CAMKMT: variants seen among roughly 807,000 people sequenced by gnomAD.
CAMKMT encodes calmodulin-lysine N-methyltransferase.
Under a neutral mutation model 48.0 loss-of-function variants are expected in CAMKMT, and 53 were observed. That is an observed-to-expected ratio of 1.10 (90% CI 0.89 to 1.39). The LOEUF (loss-of-function observed/expected upper bound fraction) is 1.39. Among genes scored for constraint, CAMKMT ranks in the 40% most tolerant of loss-of-function variants. The pLI is 0.00. For synonymous variants in CAMKMT, 165 were observed against 152.3 expected (o/e 1.08, Z -0.61); for missense variants, 428 against 402.7 (o/e 1.06, Z -0.54).
intron 3 of CAMKMT, among the ~76,000 whole-genome samples, chr2:44,426,000 G>C (rs564926367): frequency 9.2e-5 from 14 of 152,194 alleles, no homozygotes; most frequent in Non-Finnish European, 5.9e-5. Context: ...CAAAGTGCTG[G>C]GATTACAGGC....
At chr2:44,540,175 C>T (rs1049093501) in intron 3 of CAMKMT, among the ~76,000 whole-genome samples, 2 of 145,578 alleles carry the variant, frequency 1.4e-5, no homozygotes, top group Non-Finnish European at 3.0e-5. Flanking sequence ...TATATATGTA[C>T]ATATGTTTTA....
rs1460638621 is a variant in CAMKMT, at chr2:44,445,673, T to G, written c.376+55368T>G. 2.2e-3 allele frequency among the ~76,000 whole-genome samples: 78 copies of G among 35,086 alleles called. 16 individuals carry two copies. Among genetic ancestry groups the G allele is most frequent in the Admixed American group, 8.3e-3 (21 of 2,530 alleles). 23.0% of individuals were successfully genotyped at this position (35,086 alleles called of 152,430 possible). A position where few individuals can be genotyped will look rare whatever the true frequency, so the allele number is the denominator to read the frequency against. On this transcript the variant is annotated intron_variant, in intron 3 of 10. Coordinates refer to ENST00000378494, the MANE Select transcript of CAMKMT (RefSeq NM_024766.5). ...TTTTTTTTTTTTTTTTTTTTTTTTT[T>G]TTTTTTTTTTTTTTTTTTTTACCAG...
chr2:44,641,363 C>T (rs188279856), intron 3 of CAMKMT, among the ~76,000 whole-genome samples: 177 of 152,110 alleles, frequency 1.2e-3, no homozygotes, highest in Non-Finnish European at 2.3e-3. Context: ...TTAGTCTGCC[C>T]CTGACTTGGG....
chr2:44,575,586 G>A (rs533605193), intron 3 of CAMKMT, among the ~76,000 whole-genome samples: 1 of 152,098 alleles, frequency 6.6e-6, no homozygotes, highest in South Asian at 2.1e-4. Flanking sequence ...GAAAATATTT[G>A]TTGCCAGGTG....
intron 3 of CAMKMT, among the ~76,000 whole-genome samples, chr2:44,546,540 G>C: frequency 6.6e-6 from 1 of 152,122 alleles, no homozygotes; most frequent in East Asian, 1.9e-4. Flanking sequence ...CTGCCACTAC[G>C]GATCTGCAGC....
chr2:44,464,133 A>G (rs992709278), intron 3 of CAMKMT, among the ~76,000 whole-genome samples: 6 of 152,222 alleles, frequency 3.9e-5, no homozygotes, highest in African/African-American at 1.4e-4. Flanking sequence ...ATATGAACAA[A>G]GATATAGAAA....
chr2:44,575,917 C>T (rs1223447879), intron 3 of CAMKMT, among the ~76,000 whole-genome samples: 1 of 152,046 alleles, frequency 6.6e-6, no homozygotes, highest in Non-Finnish European at 1.5e-5. Flanking sequence ...AAGGTAGCCA[C>T]TAGGCAGTCC....
At chr2:44,409,080 G>T (rs1261146830) in intron 3 of CAMKMT, among the ~76,000 whole-genome samples, 1 of 79,110 alleles carries the variant, frequency 1.3e-5, no homozygotes, top group Non-Finnish European at 2.6e-5. Flanking sequence ...TATTTCAGCC[G>T]ATATATATAT....
Position 44,447,865 on chromosome 2 carries a change from C to T in CAMKMT, c.376+57560C>T, listed in dbSNP as rs1572897313. On this transcript the variant is annotated intron_variant, in intron 3 of 10. Coordinates refer to ENST00000378494, the MANE Select transcript of CAMKMT (RefSeq NM_024766.5). ...GCAACTTGTATTTTTCAGTTTATGG[C>T]ATACTATCATCATTGGTCCCTGTCT... 1.3e-5 allele frequency among the ~76,000 whole-genome samples: 2 copies of T among 152,278 alleles called. 1 individual carries two copies. Among genetic ancestry groups the T allele is most frequent in the Admixed American group, 1.3e-4 (2 of 15,298 alleles).
chr2:44,646,943 T>C (rs927141499), intron 3 of CAMKMT, among the ~76,000 whole-genome samples: 15 of 152,240 alleles, frequency 9.9e-5, no homozygotes, highest in African/African-American at 3.6e-4. Context: ...GAAAGTGATA[T>C]GAAAAGGCTA....
intron 6 of CAMKMT, among the ~76,000 whole-genome samples, chr2:44,710,425 C>G (rs1377503532): frequency 6.6e-6 from 1 of 152,056 alleles, no homozygotes; most frequent in Non-Finnish European, 1.5e-5. Flanking sequence ...GTAGTTTTCC[C>G]TAAAGTCTCC....
intron 3 of CAMKMT, among the ~76,000 whole-genome samples, chr2:44,684,552 A>T (rs1029230340): frequency 6.6e-6 from 1 of 152,056 alleles, no homozygotes; most frequent in Non-Finnish European, 1.5e-5. Context: ...CGTCCATTCT[A>T]GGACTCATTC....
intron 1 of CAMKMT, among the ~76,000 whole-genome samples, chr2:44,371,432 A>G (rs1679172614): frequency 6.6e-6 from 1 of 152,130 alleles, no homozygotes; most frequent in South Asian, 2.1e-4. Flanking sequence ...AGTTTTTATT[A>G]TGTGTTCTTT....
chr2:44,761,369 G>A (rs930906707), intron 9 of CAMKMT, among the ~76,000 whole-genome samples: 1 of 152,168 alleles, frequency 6.6e-6, no homozygotes, highest in East Asian at 1.9e-4. Flanking sequence ...AGGAGACCAG[G>A]CTGCGATAAA....
chr2:44,403,083 T>C (rs1186183027), intron 3 of CAMKMT, among the ~76,000 whole-genome samples: 1 of 152,212 alleles, frequency 6.6e-6, no homozygotes, highest in Non-Finnish European at 1.5e-5. Context: ...GACACTGATA[T>C]TACAGTTTCC....
rs759656582 is a variant in CAMKMT at position 44,704,333 on chromosome 2, A to T, written c.427A>T (p.Asn143Tyr). 1.2e-6 allele frequency: 2 copies of T among 1,608,718 alleles called. No homozygotes were observed. Among genetic ancestry groups the T allele is most frequent in the Non-Finnish European group, 1.7e-6 (2 of 1,176,924 alleles). The change falls in exon 4 of 11, where the codon AAT becomes TAT. Residue 143 changes from asparagine (N) to tyrosine (Y), a missense_variant. Physicochemically the swap from Asn to Tyr is moderately radical, Grantham distance 143 (BLOSUM62 -2). Transcript: ENST00000378494. ...GGCTTACTACTGCCTCAAGCACAAT[A>T]ATATATTCAGGTACAGAGCTGCACT... ...VLAYYCLKHN[N>Y]IFRALAVCEL...
At chr2:44,605,689 C>T (rs1038270737) in intron 3 of CAMKMT, among the ~76,000 whole-genome samples, 1 of 152,070 alleles carries the variant, frequency 6.6e-6, no homozygotes, top group African/African-American at 2.4e-5. Flanking sequence ...AAGAAAATGA[C>T]TTGTCAAAGT....
intron 3 of CAMKMT, among the ~76,000 whole-genome samples, chr2:44,542,490 TACACATACACAC>T (rs1558689947): frequency 3.2e-5 from 2 of 63,008 alleles, no homozygotes; most frequent in African/African-American, 6.0e-5. Flanking sequence ...GTAAGACACA[TACACATACACAC>T]ACACACACAC....
intron 3 of CAMKMT, among the ~76,000 whole-genome samples, chr2:44,627,044 C>G (rs1487294895): frequency 6.6e-6 from 1 of 152,096 alleles, no homozygotes; most frequent in Non-Finnish European, 1.5e-5. Flanking sequence ...GAATGTCCTT[C>G]TATTTCTAGT....
Sources: gnomAD v4.1 joint callset for allele counts (sites outside exome capture counted in the v4.1 genomes callset) on GRCh38, gnomAD v4.1.1 for gene constraint, MANE v1.5 for transcripts, NCBI Gene and HGNC (gene_info 2026-07-23, HGNC 2026-07-21) for gene names.